Variants in KIF13B observed in about 807,000 individuals in gnomAD.
The protein encoded by KIF13B is kinesin family member 13B.
Under a neutral mutation model 222.0 loss-of-function variants are expected in KIF13B, and 127 were observed. The observed-to-expected ratio is 0.57, with a 90% CI of 0.50 to 0.66. The LOEUF (loss-of-function observed/expected upper bound fraction) is 0.66, where lower values mean the gene tolerates loss of function less well. Among genes scored for constraint, KIF13B ranks in the 30% least tolerant of loss-of-function variants. KIF13B has a pLI of 0.00. For synonymous variants in KIF13B, 976 were observed against 919.0 expected (o/e 1.06, Z -1.12); for missense variants, 2,173 against 2,379.0 (o/e 0.91, Z 1.80).
intron 30 of KIF13B, among the ~76,000 whole-genome samples, chr8:29,118,661 C>A (rs1809714948): frequency 1.3e-5 from 2 of 152,080 alleles, no homozygotes; most frequent in African/African-American, 4.8e-5. Flanking sequence ...AAGCTCAGTA[C>A]AAGTTACCAG....
chr8:29,110,657 G>C (rs955921894), intron 32 of KIF13B: 2 of 153,062 alleles, frequency 1.3e-5, no homozygotes, highest in African/African-American at 4.8e-5. Context: ...GCCGACCAAG[G>C]AGAGGTTATC....
intron 37 of KIF13B, among the ~76,000 whole-genome samples, chr8:29,079,724 T>C (rs1807719574): frequency 6.6e-6 from 1 of 152,236 alleles, no homozygotes; most frequent in African/African-American, 2.4e-5. Context: ...AATAAATCTT[T>C]CATGGCTAAC....
At chr8:29,229,111 A>AAAAAAAAAAAAAAAAAAT (rs35839225) in intron 2 of KIF13B, among the ~76,000 whole-genome samples, 1 of 150,824 alleles carries the variant, frequency 6.6e-6, no homozygotes, top group Non-Finnish European at 1.5e-5. Context: ...AAAAAAAAAA[A>AAAAAAAAAAAAAAAAAAT]GCATGTCATA....
At chr8:29,160,311 A>AT (rs1474036195) in intron 13 of KIF13B, among the ~76,000 whole-genome samples, 20 of 152,360 alleles carry the variant, frequency 1.3e-4, no homozygotes, top group African/African-American at 4.6e-4. Flanking sequence ...CATAAATTTC[A>AT]TACCAACTGG....
chr8:29,155,918 TTTACACTGAGCCCTC>T, intron 13 of KIF13B, 62 bp from the exon 14 acceptor site: 1 of 1,317,356 alleles, frequency 7.6e-7, no homozygotes, highest in Non-Finnish European at 1.1e-6. Context: ...ATTGAAATCA[TTTACACTGAGCCCTC>T]TTATATTGTC....
intron 34 of KIF13B, among the ~76,000 whole-genome samples, chr8:29,108,954 T>C (rs942538273): frequency 6.6e-6 from 1 of 152,214 alleles, no homozygotes; most frequent in African/African-American, 2.4e-5. Context: ...AAATTATATA[T>C]AGGTTTTTAA....
At chr8:29,147,091 C>T (rs1483029059) in intron 17 of KIF13B, among the ~76,000 whole-genome samples, 2 of 152,122 alleles carry the variant, frequency 1.3e-5, no homozygotes, top group Non-Finnish European at 2.9e-5. Flanking sequence ...AATCATCTAC[C>T]CAAGCTTCAG....
chr8:29,075,781 C>G (rs1444638063), intron 37 of KIF13B, among the ~76,000 whole-genome samples: 1 of 152,110 alleles, frequency 6.6e-6, no homozygotes, highest in Non-Finnish European at 1.5e-5. Context: ...CTGGCTGGAG[C>G]ACAAACCCAG....
intron 31 of KIF13B, among the ~76,000 whole-genome samples, chr8:29,114,296 C>A (rs762776722): frequency 1.3e-5 from 2 of 152,180 alleles, no homozygotes; most frequent in Non-Finnish European, 2.9e-5. Flanking sequence ...CAAAGCCAAG[C>A]TATTTGGTCT....
intron 1 of KIF13B, among the ~76,000 whole-genome samples, chr8:29,260,669 C>T (rs946281055): frequency 6.6e-6 from 1 of 151,358 alleles, no homozygotes; most frequent in Non-Finnish European, 1.5e-5. Flanking sequence ...CAGGGTGGAG[C>T]ACAGTGGCAC....
At chr8:29,075,382 A>G (rs1450441576) in intron 37 of KIF13B, 39 bp from the exon 38 acceptor site, 3 of 1,533,808 alleles carry the variant, frequency 2.0e-6, no homozygotes, top group Non-Finnish European at 2.6e-6. Context: ...TCGAGAGGAC[A>G]GAACAGGGGT....
chr8:29,088,071 T>A (rs565819050), intron 37 of KIF13B, among the ~76,000 whole-genome samples: 1 of 152,096 alleles, frequency 6.6e-6, no homozygotes, highest in South Asian at 2.1e-4. Flanking sequence ...ATCGAGACCA[T>A]CCTGGCCAAC....
chr8:29,146,509 G>A lies in KIF13B; in HGVS notation c.2056C>T (p.Leu686=). ...EATLNNSLMR[L]REQIVKANLL... ...TTGGCCTTAACAATTTGTTCCCTCA[G>A]CCTCATCAGGCTGTTATTCAACGTT... The change falls in exon 18 of 40, where the codon CTG becomes TTG. Residue 686 remains leucine, a synonymous_variant. Transcript: ENST00000524189. 2 of 1,613,750 alleles carry A rather than the reference G, an allele frequency of 1.2e-6. No individual in the cohort carries two copies. The highest frequency in any genetic ancestry group is 2.2e-5 in the South Asian group (2 of 91,068).
In KIF13B at chr8:29,072,012, TG is replaced by T; in HGVS notation, c.4825del (p.His1609ThrfsTer20). The part of the protein sequence containing the change: ...PEAEPEAPIS[H>X]PPPPTAVPAE... ...GGGGACGGCCGTGGGCGGTGGGGGG[TG>T]GCTGATGGGCGCCTCGGGCTCGGCC... is the stretch of plus-strand genomic sequence containing the variant. On this transcript the variant is annotated frameshift_variant, in exon 39 of 40. Transcript: ENST00000524189. LOFTEE classifies it high-confidence loss of function. 7.8e-7 allele frequency: 1 copy of T among 1,283,862 alleles called. No homozygotes were observed. The highest frequency in any genetic ancestry group is 3.3e-5 in the East Asian group (1 of 30,762). 79.5% of individuals were successfully genotyped at this position (1,283,862 alleles called of 1,614,324 possible). A position where few individuals can be genotyped will look rare whatever the true frequency, so the allele number is the denominator to read the frequency against.
chr8:29,127,120 A>T lies in KIF13B; in HGVS notation c.3222+2T>A. ...AAGAACATAACAGGTATAGAAACTT[A>T]CATGGAAGGTCTCATGTGTTCTGGG... On this transcript the variant is annotated splice_donor_variant, in intron 25 of 39. Transcript: ENST00000524189. LOFTEE classifies it high-confidence loss of function. The T allele has an allele frequency of 6.2e-7, 1 of 1,613,516 alleles. No homozygotes were observed. Among genetic ancestry groups the T allele is most frequent in the Non-Finnish European group, 8.5e-7 (1 of 1,179,626 alleles).
chr8:29,160,905 A>C, intron 12 of KIF13B, 38 bp from the exon 13 acceptor site: 1 of 1,584,814 alleles, frequency 6.3e-7, no homozygotes. Context: ...TTTCACAGCT[A>C]TTGAGGCAGT....
chr8:29,228,472 A>AAAAAAAAAAAAAAAAAAATATATAT, intron 2 of KIF13B, among the ~76,000 whole-genome samples: 1 of 117,082 alleles, frequency 8.5e-6, no homozygotes, highest in African/African-American at 3.3e-5. Context: ...ATCTTAAAAA[A>AAAAAAAAAAAAAAAAAAATATATAT]ATATATATAT....
chr8:29,092,736 G>T lies in KIF13B; in HGVS notation c.4458+9C>A. The T allele has an allele frequency of 6.2e-7, 1 of 1,605,106 alleles. No homozygotes were observed. Among genetic ancestry groups the T allele is most frequent in the Non-Finnish European group, 8.5e-7 (1 of 1,176,934 alleles). ...AAACGTTCACAGCTGTTTTCTCGGT[G>T]CTTTTTACCTGGTGTGCGAGGGGAG... On this transcript the variant is annotated intron_variant, in intron 37 of 39. Transcript: ENST00000524189.
chr8:29,223,689 AAAAT>A (rs971119611), intron 2 of KIF13B, among the ~76,000 whole-genome samples: 4 of 152,218 alleles, frequency 2.6e-5, no homozygotes, highest in Non-Finnish European at 4.4e-5. Flanking sequence ...TGTATTTTTG[AAAAT>A]AAATAAGAAT....
Sources: gnomAD v4.1 joint callset for allele counts (sites outside exome capture counted in the v4.1 genomes callset) on GRCh38, gnomAD v4.1.1 for gene constraint, MANE v1.5 for transcripts, NCBI Gene and HGNC (gene_info 2026-07-23, HGNC 2026-07-21) for gene names.